USP38: variants seen among roughly 807,000 people sequenced by gnomAD.
The protein encoded by USP38 is ubiquitin carboxyl-terminal hydrolase 38.
Under a neutral mutation model 94.3 loss-of-function variants are expected in USP38, and 49 were observed. The observed-to-expected ratio is 0.52, with a 90% CI of 0.41 to 0.66. The LOEUF (loss-of-function observed/expected upper bound fraction) is 0.66, where lower values mean the gene tolerates loss of function less well. Among genes scored for constraint, USP38 ranks in the 30% least tolerant of loss-of-function variants. The pLI, the probability that USP38 is intolerant of heterozygous loss-of-function variation, is 0.00. For synonymous variants in USP38, 468 were observed against 463.6 expected (o/e 1.01, Z -0.12); for missense variants, 1,128 against 1,229.4 (o/e 0.92, Z 1.23).
intron 9 of USP38, among the ~76,000 whole-genome samples, chr4:143,218,090 C>G (rs1393685774): frequency 6.6e-6 from 1 of 152,206 alleles, no homozygotes; most frequent in South Asian, 2.1e-4. Context: ...CAGACCACTT[C>G]CCATCTTTTC....
rs1250109441 is a variant in USP38, at chr4:143,185,973, A to G, written c.523A>G (p.Ile175Val). 12 of 1,614,162 alleles carry G rather than the reference A, an allele frequency of 7.4e-6. No homozygotes were observed. Among genetic ancestry groups the G allele is most frequent in the African/African-American group, 1.3e-5 (1 of 75,032 alleles). Residue 175 changes from isoleucine (I) to valine (V), a missense_variant, in exon 1 of 10, where the codon ATA (isoleucine) becomes GTA (valine). By Grantham distance (29) the Ile-to-Val change is conservative (BLOSUM62 3). Coordinates refer to ENST00000307017, the MANE Select transcript of USP38 (RefSeq NM_032557.6). ...ITFCQQLVRT[I>V]GHFQCVSTQE... ...GTTCTGTCAACAGCTGGTTCGAACG[A>G]TAGGCCATTTCCAGTGCGTGTCCAC...
At position 143,214,271 on chromosome 4, in the gene USP38, C is replaced by T. The variant is rs143411261; in HGVS notation, c.2295C>T (p.Leu765=). 6.2e-7 allele frequency: 1 copy of T among 1,613,150 alleles called. No individual in the cohort carries two copies. The highest frequency in any genetic ancestry group is 1.7e-5 in the Admixed American group (1 of 59,858). Residue 765 remains leucine (L), a synonymous_variant, in exon 9 of 10, where the codon CTC becomes CTT. Transcript: ENST00000307017. ...AACCTGAATACCTTATTCTTACTCT[C>T]CTGAGATTTTCATATGATCAGAAGT... ...TEEPEYLILT[L]LRFSYDQKYH...
chr4:143,204,310 G>A (rs1183985176), intron 5 of USP38: 1 of 434,776 alleles, frequency 2.3e-6, no homozygotes, highest in Non-Finnish European at 4.6e-6. Flanking sequence ...GCTGTGGACT[G>A]TTCATCAATG....
rs1313631187 is a variant in USP38 at position 143,194,632 on chromosome 4, C to T, written c.819-1084C>T. On this transcript the variant is annotated intron_variant, in intron 2 of 9. Transcript: ENST00000307017. Reference sequence around the variant, plus strand: ...AAGCCATTCTCCTGCCTCAGCCTCCCGAGTAGCTGGGATTACAGGCACGTG... The same window carrying T: ...AAGCCATTCTCCTGCCTCAGCCTCCTGAGTAGCTGGGATTACAGGCACGTG... Among the ~76,000 whole-genome samples, 5 of 152,100 alleles carry T rather than the reference C, an allele frequency of 3.3e-5. 1 individual carries two copies. The highest frequency in any genetic ancestry group is 7.4e-5 in the Non-Finnish European group (5 of 68,002).
At position 143,213,789 on chromosome 4, in the gene USP38, A is replaced by G; in HGVS notation, c.1813A>G (p.Ser605Gly). The stretch of plus-strand genomic sequence containing the variant: ...TCACATACGTTGTTTGAACTGCAGG[A>G]GTACCTCACAAAAAGTGGAAGCCTT... ...RTHIRCLNCR[S>G]TSQKVEAFTD... Residue 605 changes from serine to glycine, a missense_variant, in exon 9 of 10, where the codon AGT (serine) becomes GGT (glycine). Transcript: ENST00000307017. The G allele has an allele frequency of 1.2e-6, 2 of 1,613,846 alleles. No individual in the cohort carries two copies. Among genetic ancestry groups the G allele is most frequent in the Non-Finnish European group, 1.7e-6 (2 of 1,179,842 alleles).
intron 2 of USP38, among the ~76,000 whole-genome samples, chr4:143,193,200 T>C (rs528371879): frequency 3.9e-4 from 59 of 152,248 alleles, no homozygotes; most frequent in African/African-American, 1.4e-3. Context: ...AATTGTTTTT[T>C]AAAAAAACTG....
At chr4:143,212,831 TA>T (rs1237200379) in intron 8 of USP38, among the ~76,000 whole-genome samples, 1 of 152,186 alleles carries the variant, frequency 6.6e-6, no homozygotes, top group Non-Finnish European at 1.5e-5. Context: ...TTGCAAAATG[TA>T]AAACACTGCC....
At chr4:143,201,359 C>T (rs552933030) in intron 4 of USP38, among the ~76,000 whole-genome samples, 25 of 152,304 alleles carry the variant, frequency 1.6e-4, no homozygotes, top group African/African-American at 5.3e-4. Context: ...CCCTTCCTTA[C>T]ACCATATACA....
chr4:143,203,321 A>G, intron 4 of USP38, 87 bp from the exon 5 acceptor site: 1 of 1,304,268 alleles, frequency 7.7e-7, no homozygotes, highest in East Asian at 2.4e-5. Context: ...TCTGCTGATC[A>G]TATATCGTTT....
At position 143,195,830 on chromosome 4, in the gene USP38, G is replaced by A. The variant is rs1204238254; in HGVS notation, c.933G>A (p.Leu311=). 7.4e-6 allele frequency: 12 copies of A among 1,611,886 alleles called. No homozygotes were observed. Among genetic ancestry groups the A allele is most frequent in the Non-Finnish European group, 9.3e-6 (11 of 1,179,146 alleles). The change falls in exon 3 of 10, where the codon TTG becomes TTA. Residue 311 remains leucine, a synonymous_variant. Transcript: ENST00000307017. ...QKFTILIDVT[L]LKIELVFNRL... ...TTACTATTTTGATAGATGTTACTTTGCTGAAAATAGAACTGGTAAGTGGGA... is the reference window on the plus strand; with the variant it reads ...TTACTATTTTGATAGATGTTACTTTACTGAAAATAGAACTGGTAAGTGGGA...
Position 143,209,568 on chromosome 4 carries a change from A to G in USP38, c.1408A>G (p.Arg470Gly), listed in dbSNP as rs772522736. ...IQALFMATDF[R>G]RQVLSLNLNG... Reference sequence around the variant, plus strand: ...AATCATTATATTCTCTTTCAGTTTCAGGAGACAAGTATTATCTTTAAATCT... The same window carrying G: ...AATCATTATATTCTCTTTCAGTTTCGGGAGACAAGTATTATCTTTAAATCT... Residue 470 changes from arginine (R) to glycine (G), a missense_variant, in exon 7 of 10, where the codon AGG becomes GGG. Arg to Gly is a moderately radical substitution (Grantham distance 125, BLOSUM62 -2). Coordinates refer to ENST00000307017, the MANE Select transcript of USP38 (RefSeq NM_032557.6). 9.1e-6 allele frequency: 14 copies of G among 1,546,792 alleles called. No individual in the cohort carries two copies. The Admixed American group carries it at 1.9e-4, about 21-fold the overall frequency.
At chr4:143,215,080 T>G in intron 9 of USP38, 137 bp downstream of exon 9, 1 of 864,780 alleles carries the variant, frequency 1.2e-6, no homozygotes, top group South Asian at 1.9e-5. Context: ...TGAAGTATTC[T>G]CAACCTGTAT....
At chr4:143,193,052 T>C (rs1731443556) in intron 2 of USP38, among the ~76,000 whole-genome samples, 1 of 152,220 alleles carries the variant, frequency 6.6e-6, no homozygotes, top group Non-Finnish European at 1.5e-5. Context: ...CCTGTCTGGT[T>C]CTGCTCTGAC....
At position 143,209,587 on chromosome 4, in the gene USP38, T is replaced by C; in HGVS notation, c.1427T>C (p.Leu476Ser). 6.2e-7 allele frequency: 1 copy of C among 1,602,254 alleles called. No homozygotes were observed. Among genetic ancestry groups the C allele is most frequent in the African/African-American group, 1.3e-5 (1 of 74,642 alleles). Residue 476 changes from leucine to serine, a missense_variant, in exon 7 of 10, where the codon TTA becomes TCA. Physicochemically the swap from Leu to Ser is moderately radical, Grantham distance 145. Transcript: ENST00000307017. ...ATDFRRQVLS[L>S]NLNGCNSLMK... ...AGTTTCAGGAGACAAGTATTATCTTTAAATCTAAATGGGTGCAATTCATTA... is the reference window on the plus strand; with the variant it reads ...AGTTTCAGGAGACAAGTATTATCTTCAAATCTAAATGGGTGCAATTCATTA...
rs1732353718 is a variant in USP38 at position 143,222,652 on chromosome 4, A to C, written c.*2196A>C. 6.6e-6 allele frequency: 1 copy of C among 152,096 alleles called. No homozygotes were observed. Among genetic ancestry groups the C allele is most frequent in the Admixed American group, 6.6e-5 (1 of 15,254 alleles). The allele number at this position is 152,096 out of a possible 1,614,324, so 9.4% of individuals were successfully genotyped here. The stretch of plus-strand genomic sequence containing the variant: ...ATGATAACTCATACCAGTACCAAAA[A>C]CTTGAAGACTTCCTTTTAACATTAA... On this transcript the variant is annotated 3_prime_UTR_variant, in exon 10 of 10. Transcript: ENST00000307017.
Position 143,185,942 on chromosome 4 carries a change from C to T in USP38, c.492C>T (p.Ser164=), listed in dbSNP as rs755454488. ...AATGCATCCCCAAGGGGAAATTGTCCATCACGTTCTGTCAACAGCTGGTTC... is the reference window on the plus strand; with the variant it reads ...AATGCATCCCCAAGGGGAAATTGTCTATCACGTTCTGTCAACAGCTGGTTC... ...FVQCIPKGKL[S]ITFCQQLVRT... Residue 164 remains serine, a synonymous_variant, in exon 1 of 10, where the codon TCC becomes TCT. Coordinates refer to ENST00000307017, the MANE Select transcript of USP38 (RefSeq NM_032557.6). The T allele has an allele frequency of 7.4e-6, 12 of 1,614,176 alleles. No homozygotes were observed. The highest frequency in any genetic ancestry group is 1.0e-5 in the Non-Finnish European group (12 of 1,180,030).
intron 2 of USP38, among the ~76,000 whole-genome samples, chr4:143,194,452 A>T (rs1318356115): frequency 2.0e-5 from 3 of 152,232 alleles, no homozygotes; most frequent in Admixed American, 6.5e-5. Flanking sequence ...TTTTCTTAGT[A>T]TATAATCCCA....
intron 4 of USP38, among the ~76,000 whole-genome samples, chr4:143,200,571 T>C (rs1309039193): frequency 1.3e-5 from 2 of 152,104 alleles, no homozygotes; most frequent in Admixed American, 6.6e-5. Flanking sequence ...GACATCCATA[T>C]AGGAAGAGAA....
Position 143,213,998 on chromosome 4 carries a change from T to A in USP38, c.2022T>A (p.Asn674Lys). The A allele has an allele frequency of 6.2e-7, 1 of 1,613,504 alleles. No individual in the cohort carries two copies. Among genetic ancestry groups the A allele is most frequent in the Non-Finnish European group, 8.5e-7 (1 of 1,179,798 alleles). The change falls in exon 9 of 10, where the codon AAT becomes AAA. Residue 674 changes from asparagine to lysine, a missense_variant. Physicochemically the swap from Asn to Lys is moderately conservative, Grantham distance 94. Coordinates refer to ENST00000307017, the MANE Select transcript of USP38 (RefSeq NM_032557.6). ...TAAFICDSLV[N>K]EKTIGSPPNE... is the part of the protein sequence containing the mutation. ...CCTTCATCTGTGACTCACTTGTGAA[T>A]GAAAAAACCATAGGCAGTCCTCCTA...
Sources: allele counts gnomAD v4.1 joint callset (sites outside exome capture counted in the v4.1 genomes callset), GRCh38; gene constraint gnomAD v4.1.1; transcripts MANE v1.5; gene names NCBI Gene and HGNC (gene_info 2026-07-23, HGNC 2026-07-21).